The following ADGRG2 variants were observed in gnomAD, a reference collection of about 807,000 sequenced individuals.
ADGRG2 encodes the protein G protein-coupled receptor 64.
A neutral mutation model predicts 74.1 loss-of-function variants in ADGRG2; 26 were observed. The observed-to-expected ratio is 0.35, with a 90% CI of 0.26 to 0.49. The LOEUF (loss-of-function observed/expected upper bound fraction) is 0.49, where lower values mean the gene tolerates loss of function less well. ADGRG2 is among the 20% of genes least tolerant of loss of function. The pLI, the probability that ADGRG2 is intolerant of heterozygous loss-of-function variation, is 0.99. For missense variants in ADGRG2, 619 were observed against 763.1 expected (o/e 0.81, Z 2.22); for synonymous variants, 296 against 295.2 (o/e 1.00, Z -0.03).
chrX:19,048,094 T>C (rs2061231957), intron 3 of ADGRG2, among the ~76,000 whole-genome samples: 1 of 111,467 alleles, frequency 9.0e-6, no homozygotes, highest in South Asian at 3.8e-4. Context: ...GCTTTTCTCC[T>C]GCCTTCGCAC....
In ADGRG2 at chrX:19,013,602, G is replaced by A. The variant is rs763910599; in HGVS notation, c.1099+84C>T. 20 of 831,183 alleles carry A rather than the reference G, an allele frequency of 2.4e-5. No individual in the cohort carries two copies. The East Asian group carries it at 4.3e-4, about 18-fold the overall frequency. 68.5% of individuals were successfully genotyped at this position (831,183 alleles called of 1,213,427 possible). A position where few individuals can be genotyped will look rare whatever the true frequency, so the allele number is the denominator to read the frequency against. ...GAAAGGAAAGCTCTAGAAATCAAGCGAACATCATACAAAGAAAGGCTCAAC... is the reference window on the plus strand; with the variant it reads ...GAAAGGAAAGCTCTAGAAATCAAGCAAACATCATACAAAGAAAGGCTCAAC... On this transcript the variant is annotated intron_variant, in intron 16 of 28. Transcript: ENST00000379869.
Position 19,031,029 on chromosome X carries a change from G to T in ADGRG2, c.313C>A (p.Pro105Thr), listed in dbSNP as rs1270185920. Residue 105 changes from proline to threonine, a missense_variant, in exon 9 of 29, where the codon CCC becomes ACC. Pro to Thr is a conservative substitution (Grantham distance 38). Around this residue, in one of 3 missense-constraint regions of ADGRG2, gnomAD observed 292 missense variants for 318.0 expected, o/e 0.92. Coordinates refer to ENST00000379869, the MANE Select transcript of ADGRG2 (RefSeq NM_001079858.3). ...VKTFNASGVK[P>T]QRNICNLSSI... is the part of the protein sequence containing the mutation. ...GACAAATTGCAGATATTTCTCTGGGGTTTGACGCCTGCAAAGAAAACACAA... is the reference window on the plus strand; with the variant it reads ...GACAAATTGCAGATATTTCTCTGGGTTTTGACGCCTGCAAAGAAAACACAA... The T allele has an allele frequency of 2.5e-6, 3 of 1,193,391 alleles. No homozygotes were observed. The highest frequency in any genetic ancestry group is 3.4e-6 in the Non-Finnish European group (3 of 879,076).
chrX:18,999,346 A>G (rs2060081944), intron 25 of ADGRG2, 67 bp from the exon 26 acceptor site: 1 of 904,053 alleles, frequency 1.1e-6, no homozygotes, highest in Non-Finnish European at 1.5e-6. Flanking sequence ...GTTCAAAATG[A>G]TACAATGAAT....
chrX:19,031,203 T>C (rs2060818063), intron 8 of ADGRG2, 166 bp from the exon 9 acceptor site: 1 of 451,310 alleles, frequency 2.2e-6, no homozygotes, highest in Non-Finnish European at 3.9e-6. Context: ...AAATGAGTTT[T>C]CATTTGTTGG....
intron 1 of ADGRG2, among the ~76,000 whole-genome samples, chrX:19,105,737 T>A (rs762691238): frequency 1.3e-4 from 14 of 109,444 alleles, no homozygotes; most frequent in South Asian, 8.0e-4. Flanking sequence ...ATAAAAAAAA[T>A]TTTTTTAAAT....
At chrX:19,002,733 T>A in intron 24 of ADGRG2, 113 bp downstream of exon 24, 1 of 743,410 alleles carries the variant, frequency 1.3e-6, no homozygotes, top group East Asian at 3.2e-5. Flanking sequence ...ATAAAGCTGT[T>A]TTAGAAACTT....
intron 9 of ADGRG2, among the ~76,000 whole-genome samples, chrX:19,030,735 A>G (rs1326358110): frequency 8.9e-6 from 1 of 112,330 alleles, no homozygotes; most frequent in African/African-American, 3.2e-5. Context: ...ATAATGAAAA[A>G]TATTTATTGT....
At chrX:18,997,672 C>T (rs1028786081) in intron 26 of ADGRG2, among the ~76,000 whole-genome samples, 1 of 112,312 alleles carries the variant, frequency 8.9e-6, no homozygotes, top group Non-Finnish European at 1.9e-5. Flanking sequence ...AAACAAGCAT[C>T]TCTGCTGGCT....
chrX:19,112,378 G>C (rs1464148061), intron 1 of ADGRG2, among the ~76,000 whole-genome samples: 1 of 110,897 alleles, frequency 9.0e-6, no homozygotes, highest in Non-Finnish European at 1.9e-5. Context: ...TGGCCCTAGA[G>C]GGAAATTTTG....
chrX:19,036,966 C>T (rs1391602477), intron 6 of ADGRG2, among the ~76,000 whole-genome samples: 1 of 111,258 alleles, frequency 9.0e-6, no homozygotes, highest in African/African-American at 3.3e-5. Flanking sequence ...GCCCCCTTCC[C>T]TTGAATAAAG....
At chrX:19,041,625 G>A (rs2061066864) in intron 3 of ADGRG2, among the ~76,000 whole-genome samples, 1 of 111,503 alleles carries the variant, frequency 9.0e-6, no homozygotes, top group Non-Finnish European at 1.9e-5. Context: ...AGTTCGGCTC[G>A]AAAGCAGGAC....
intron 12 of ADGRG2, 62 bp from the exon 13 acceptor site, chrX:19,023,515 G>T: frequency 3.1e-6 from 2 of 651,758 alleles, no homozygotes; most frequent in Non-Finnish European, 4.8e-6. Context: ...GGAAATATCA[G>T]AAAAGAAGAC....
chrX:19,117,348 T>A (rs1240528590), intron 1 of ADGRG2, among the ~76,000 whole-genome samples: 2 of 110,524 alleles, frequency 1.8e-5, no homozygotes, highest in Non-Finnish European at 3.8e-5. Context: ...ATATAAAATG[T>A]ACTTATTGTG....
intron 1 of ADGRG2, among the ~76,000 whole-genome samples, chrX:19,083,170 ATTTTT>A (rs58522004): frequency 0.019 from 1,595 of 83,147 alleles, 40 homozygotes; most frequent in African/African-American, 0.072. Flanking sequence ...CACCCGGCTA[ATTTTT>A]TTTTTTTTTT....
At chrX:19,086,092 C>T (rs1433193907) in intron 1 of ADGRG2, among the ~76,000 whole-genome samples, 2 of 111,664 alleles carry the variant, frequency 1.8e-5, no homozygotes, top group Non-Finnish European at 3.8e-5. Flanking sequence ...AAGAAAGGCC[C>T]ATCCTTCAGT....
chrX:18,999,624 T>C (rs1162138688), intron 25 of ADGRG2, among the ~76,000 whole-genome samples: 1 of 112,199 alleles, frequency 8.9e-6, no homozygotes, highest in African/African-American at 3.2e-5. Context: ...ATTTTCAAAA[T>C]AGTTCTTCCT....
intron 1 of ADGRG2, among the ~76,000 whole-genome samples, chrX:19,105,023 C>G (rs1217572286): frequency 9.1e-6 from 1 of 110,157 alleles, no homozygotes; most frequent in Non-Finnish European, 1.9e-5. Flanking sequence ...TGCTTGAGGC[C>G]AGGAGTTCGA....
At chrX:18,997,716 T>C (rs183072692) in intron 26 of ADGRG2, among the ~76,000 whole-genome samples, 2 of 112,161 alleles carry the variant, frequency 1.8e-5, no homozygotes, top group East Asian at 5.6e-4. Context: ...AACAACCAAA[T>C]TCGGCATTTG....
At chrX:19,064,811 C>T (rs1569118828) in intron 3 of ADGRG2, among the ~76,000 whole-genome samples, 1 of 111,754 alleles carries the variant, frequency 8.9e-6, no homozygotes, top group Non-Finnish European at 1.9e-5. Flanking sequence ...ATTATTTGAC[C>T]GAAGGCAAGT....
Sources: allele counts gnomAD v4.1 joint callset (sites outside exome capture counted in the v4.1 genomes callset), GRCh38; gene constraint gnomAD v4.1.1; regional missense constraint gnomAD v4.1.1; transcripts MANE v1.5; gene names NCBI Gene and HGNC (gene_info 2026-07-23, HGNC 2026-07-21).